DDX21: variants seen among roughly 807,000 people sequenced by gnomAD.
The protein encoded by DDX21 is nucleolar RNA helicase 2.
A neutral mutation model predicts 90.0 loss-of-function variants in DDX21; 18 were observed. That is an observed-to-expected ratio of 0.20 (90% CI 0.14 to 0.30). DDX21 has a LOEUF of 0.30. Among genes scored for constraint, DDX21 ranks in the 10% least tolerant of loss-of-function variants. The probability of loss-of-function intolerance (pLI) is 1.00; values close to 1 mark genes in which losing one functional copy is unlikely to be tolerated. For synonymous variants in DDX21, 294 were observed against 318.0 expected, an observed-to-expected ratio of 0.92 and a Z score of 0.80; for missense variants, 673 against 944.5, an observed-to-expected ratio of 0.71 and a Z score of 3.77.
intron 13 of DDX21, among the ~76,000 whole-genome samples, chr10:68,979,275 A>G (rs948588856): frequency 7.2e-5 from 11 of 152,136 alleles, no homozygotes; most frequent in Non-Finnish European, 1.3e-4. Context: ...TAGCAATGCT[A>G]TTCTAGCACT....
chr10:68,966,961 C>G (rs891375613), intron 5 of DDX21, 57 bp from the exon 6 acceptor site: 2 of 1,483,408 alleles, frequency 1.3e-6, no homozygotes, highest in African/African-American at 2.8e-5. Flanking sequence ...TGTGGTACCC[C>G]ACACAGATAA....
At chr10:68,979,023 C>T in intron 13 of DDX21, 47 bp downstream of exon 13, 1 of 1,609,398 alleles carries the variant, frequency 6.2e-7, no homozygotes, top group Non-Finnish European at 8.5e-7. Context: ...TTTATGTGGG[C>T]AGGAAAACAG....
At position 68,983,544 on chromosome 10, in the gene DDX21, A is replaced by G. The variant is rs1743882557; in HGVS notation, c.*732A>G. 6.6e-6 allele frequency: 1 copy of G among 152,182 alleles called. No homozygotes were observed. The highest frequency in any genetic ancestry group is 6.5e-5 in the Admixed American group (1 of 15,274). 9.4% of individuals were successfully genotyped at this position (152,182 alleles called of 1,614,324 possible). A position where few individuals can be genotyped will look rare whatever the true frequency, so the allele number is the denominator to read the frequency against. On this transcript the variant is annotated 3_prime_UTR_variant, in exon 15 of 15. Transcript: ENST00000354185. ...CAGGGTTTTAAGGAATTTCACATGTATAAGGTGGCTCCATAGCTTTATTTG... is the reference window on the plus strand; with the variant it reads ...CAGGGTTTTAAGGAATTTCACATGTGTAAGGTGGCTCCATAGCTTTATTTG...
chr10:68,964,101 G>GAAAAAAA (rs750726882), intron 4 of DDX21: 588 of 237,050 alleles, frequency 2.5e-3, no homozygotes, highest in South Asian at 3.9e-3. Flanking sequence ...TCCGTCTCAA[G>GAAAAAAA]AAAAAAAAAA....
At chr10:68,959,149 T>C (rs560875907) in intron 1 of DDX21, among the ~76,000 whole-genome samples, 1 of 152,320 alleles carries the variant, frequency 6.6e-6, no homozygotes, top group Admixed American at 6.5e-5. Context: ...TTTTATAGTA[T>C]TGAGTTTGGA....
At chr10:68,958,301 TACTGTC>T (rs1402084238) in intron 1 of DDX21, among the ~76,000 whole-genome samples, 1 of 151,984 alleles carries the variant, frequency 6.6e-6, no homozygotes, top group East Asian at 1.9e-4. Context: ...GACAGAGTCT[TACTGTC>T]ACCCAAGCTA....
At position 68,984,458 on chromosome 10, in the gene DDX21, C is replaced by G. The variant is rs751679259; in HGVS notation, c.*1646C>G. ...CTCAGAATTCTCTTGGCTTTTATTC[C>G]TTGATCCACTTGCCAGTTTTATCAC... On this transcript the variant is annotated 3_prime_UTR_variant, in exon 15 of 15. Transcript: ENST00000354185. 1 of 152,166 alleles carries G rather than the reference C, an allele frequency of 6.6e-6. No homozygotes were observed. The highest frequency in any genetic ancestry group is 1.5e-5 in the Non-Finnish European group (1 of 68,038). 9.4% of individuals were successfully genotyped at this position (152,166 alleles called of 1,614,324 possible). A position where few individuals can be genotyped will look rare whatever the true frequency, so the allele number is the denominator to read the frequency against.
chr10:68,982,648 G>A lies in DDX21; in HGVS notation c.2188G>A (p.Gly730Ser). Residue 730 changes from glycine to serine, a missense_variant, in exon 15 of 15, where the codon GGC becomes AGC. By Grantham distance (56) the Gly-to-Ser change is moderately conservative (BLOSUM62 0). This residue lies in a region of DDX21 where 225 missense variants were observed against 298.8 expected (regional missense o/e 0.75). Coordinates refer to ENST00000354185, the MANE Select transcript of DDX21 (RefSeq NM_004728.4). ...GYGGFRGQREGSRGFRGQRDG... is the reference protein window; with the variant it reads ...GYGGFRGQRESSRGFRGQRDG... ...TGGAGGCTTCAGGGGACAGCGGGAA[G>A]GCAGTCGAGGCTTCAGGGGACAGCG... The A allele has an allele frequency of 6.2e-7, 1 of 1,613,298 alleles. No homozygotes were observed. Among genetic ancestry groups the A allele is most frequent in the Non-Finnish European group, 8.5e-7 (1 of 1,179,700 alleles).
chr10:68,976,594 G>T (rs1006796328), intron 11 of DDX21, among the ~76,000 whole-genome samples: 4 of 151,974 alleles, frequency 2.6e-5, no homozygotes, highest in Non-Finnish European at 4.4e-5. Flanking sequence ...GCCTGGAAGA[G>T]TGTATTTTAA....
intron 6 of DDX21, among the ~76,000 whole-genome samples, chr10:68,968,484 A>G (rs967996959): frequency 2.0e-5 from 3 of 152,214 alleles, no homozygotes; most frequent in African/African-American, 7.2e-5. Context: ...GATTTCCAGA[A>G]GTGGAATTAC....
At chr10:68,964,369 T>C (rs1332150913) in intron 4 of DDX21, among the ~76,000 whole-genome samples, 1 of 152,228 alleles carries the variant, frequency 6.6e-6, no homozygotes, top group Non-Finnish European at 1.5e-5. Context: ...TTTACTGCTA[T>C]ATCCCTAGCA....
intron 7 of DDX21, 46 bp from the exon 8 acceptor site, chr10:68,970,155 C>A: frequency 6.4e-7 from 1 of 1,551,616 alleles, no homozygotes; most frequent in Non-Finnish European, 8.8e-7. Context: ...ATTTTAGTTT[C>A]CAGCAAAGCT....
At chr10:68,956,477 C>T in intron 1 of DDX21, 165 bp downstream of exon 1, 1 of 1,452,256 alleles carries the variant, frequency 6.9e-7, no homozygotes, top group Non-Finnish European at 9.1e-7. Context: ...TGGTGCGCTC[C>T]CCGGGCAGTG....
At chr10:68,974,327 T>A (rs1027980780) in intron 10 of DDX21, among the ~76,000 whole-genome samples, 3 of 152,134 alleles carry the variant, frequency 2.0e-5, no homozygotes, top group Non-Finnish European at 4.4e-5. Flanking sequence ...AGGGACATTC[T>A]ACAAAACTGT....
chr10:68,979,095 T>C, intron 13 of DDX21, 119 bp downstream of exon 13: 1 of 1,400,022 alleles, frequency 7.1e-7, no homozygotes, highest in Non-Finnish European at 9.7e-7. Flanking sequence ...TCATCTTCCC[T>C]GGGTAATCTC....
chr10:68,968,775 T>C (rs1051198715), intron 6 of DDX21, among the ~76,000 whole-genome samples: 1 of 152,182 alleles, frequency 6.6e-6, no homozygotes, highest in Non-Finnish European at 1.5e-5. Context: ...ATTTTAAGGA[T>C]CTTTTAGATA....
At chr10:68,968,322 G>GT (rs1842969975) in intron 6 of DDX21, among the ~76,000 whole-genome samples, 1 of 152,084 alleles carries the variant, frequency 6.6e-6, no homozygotes, top group African/African-American at 2.4e-5. Context: ...CCTGGCTAAT[G>GT]TTTTTATTAT....
chr10:68,985,064 C>T lies in DDX21; in HGVS notation c.*2252C>T, dbSNP rs1843248244. 1 of 152,014 alleles carries T rather than the reference C, an allele frequency of 6.6e-6. No homozygotes were observed. Among genetic ancestry groups the T allele is most frequent in the Admixed American group, 6.5e-5 (1 of 15,290 alleles). 9.4% of individuals were successfully genotyped at this position (152,014 alleles called of 1,614,324 possible). ...GTATACCATAATAAAGATAGTAATA[C>T]TTGATTTTAGTGGCTTTTGTTTTCT... On this transcript the variant is annotated 3_prime_UTR_variant, in exon 15 of 15. Transcript: ENST00000354185.
rs1338206479 is a variant in DDX21 at position 68,969,056 on chromosome 10, A to G, written c.1171A>G (p.Lys391Glu). ...ATTTAATGTTGCCAAGAAATACATG[A>G]AATCTACATATGAACAGGTGGACCT... ...WVFNVAKKYM[K>E]STYEQVDLIG... The change falls in exon 7 of 15, where the codon AAA (lysine) becomes GAA (glutamate). Residue 391 changes from lysine to glutamate, a missense_variant. Physicochemically the swap from Lys to Glu is moderately conservative, Grantham distance 56. This residue lies in a region of DDX21 where 218 missense variants were observed against 347.3 expected (regional missense o/e 0.63). Coordinates refer to ENST00000354185, the MANE Select transcript of DDX21 (RefSeq NM_004728.4). 3 of 1,614,044 alleles carry G rather than the reference A, an allele frequency of 1.9e-6. No individual in the cohort carries two copies. The highest frequency in any genetic ancestry group is 2.5e-6 in the Non-Finnish European group (3 of 1,180,026).
Sources: gnomAD v4.1 joint callset for allele counts (sites outside exome capture counted in the v4.1 genomes callset) on GRCh38, gnomAD v4.1.1 for gene constraint, gnomAD v4.1.1 regional missense constraint, MANE v1.5 for transcripts, NCBI Gene and HGNC (gene_info 2026-07-23, HGNC 2026-07-21) for gene names.